Variants in CUBN observed in about 807,000 individuals in gnomAD.
CUBN encodes cubilin.
In CUBN, 282 loss-of-function variants were observed where a neutral mutation model predicts 405.3. The ratio of observed to expected loss-of-function variants is 0.70; its 90% CI spans 0.63 to 0.77. The LOEUF (loss-of-function observed/expected upper bound fraction) is 0.77. Among genes scored for constraint, CUBN ranks in the 30% least tolerant of loss-of-function variants. The probability of loss-of-function intolerance (pLI) is 0.00; values close to 1 mark genes in which losing one functional copy is unlikely to be tolerated. For synonymous variants in CUBN, 1,684 were observed against 1,617.0 expected, an observed-to-expected ratio of 1.04 and a Z score of -0.99; for missense variants, 4,514 against 4,475.2, an observed-to-expected ratio of 1.01 and a Z score of -0.25.
chr10:16,958,642 A>AT (rs1843136923), intron 31 of CUBN, among the ~76,000 whole-genome samples: 1 of 152,184 alleles, frequency 6.6e-6, no homozygotes, highest in Non-Finnish European at 1.5e-5. Flanking sequence ...AACCTGTGTG[A>AT]TTTTCTATAA....
intron 59 of CUBN, among the ~76,000 whole-genome samples, chr10:16,866,779 A>G (rs1311523480): frequency 1.3e-5 from 2 of 152,282 alleles, no homozygotes; most frequent in Non-Finnish European, 2.9e-5. Flanking sequence ...AGATCAGCTC[A>G]TGCTTGCCAA....
chr10:16,903,295 CA>C (rs774948856), intron 51 of CUBN, among the ~76,000 whole-genome samples: 39 of 152,134 alleles, frequency 2.6e-4, no homozygotes, highest in Non-Finnish European at 4.6e-4. Context: ...CTTTCTTTAA[CA>C]AAAGATATTT....
intron 50 of CUBN, among the ~76,000 whole-genome samples, chr10:16,904,644 T>C (rs536098344): frequency 5.2e-5 from 8 of 152,382 alleles, no homozygotes; most frequent in Middle Eastern, 3.4e-3. Flanking sequence ...TTGATGAACA[T>C]GTACAGAGCA....
chr10:16,887,348 C>A (rs541922093), intron 56 of CUBN, among the ~76,000 whole-genome samples: 2 of 152,280 alleles, frequency 1.3e-5, no homozygotes, highest in African/African-American at 4.8e-5. Context: ...TTTTTTACTT[C>A]TAGATGGAAT....
intron 11 of CUBN, 145 bp downstream of exon 11, chr10:17,105,312 A>C (rs568206912): frequency 2.8e-6 from 2 of 723,432 alleles, no homozygotes. Context: ...ATCATTATCT[A>C]TCTTTCATCT....
At chr10:16,946,997 C>T (rs542628609) in intron 36 of CUBN, among the ~76,000 whole-genome samples, 25 of 152,226 alleles carry the variant, frequency 1.6e-4, no homozygotes, top group East Asian at 1.5e-3. Context: ...GCCACAGATT[C>T]ATTCATTCAC....
chr10:17,127,431 A>ATTTT lies in CUBN; in HGVS notation c.348+394_348+397dup, dbSNP rs71268608. ...CAGGCTCATGCCACCATGCCCAGCT[A>ATTTT]TTTTTTTTTTTTTTTTTTTTTTTGG... is the stretch of plus-strand genomic sequence containing the variant. On this transcript the variant is annotated intron_variant, in intron 3 of 66. Transcript: ENST00000377833. 2.6e-3 allele frequency among the ~76,000 whole-genome samples: 226 copies of ATTTT among 85,896 alleles called. 2 individuals carry two copies. The highest frequency in any genetic ancestry group is 9.4e-3 in the African/African-American group (202 of 21,554). 56.4% of individuals were successfully genotyped at this position (85,896 alleles called of 152,430 possible).
rs758170405 is a variant in CUBN, at chr10:16,831,430, G to C, written c.10363-13C>G. 6.2e-7 allele frequency: 1 copy of C among 1,608,382 alleles called. No homozygotes were observed. Among genetic ancestry groups the C allele is most frequent in the Non-Finnish European group, 8.5e-7 (1 of 1,174,760 alleles). The stretch of plus-strand genomic sequence containing the variant: ...TTCCATTTCTCACCTTTAGGAAGGA[G>C]TCATTCATTATTAAACTTACACTTT... On this transcript the variant is annotated splice_polypyrimidine_tract_variant and intron_variant, in intron 64 of 66. Coordinates refer to ENST00000377833, the MANE Select transcript of CUBN (RefSeq NM_001081.4).
chr10:16,857,614 A>G lies in CUBN; in HGVS notation c.9455-6171T>C, dbSNP rs2131348206. Among the ~76,000 whole-genome samples, 3 of 152,362 alleles carry G rather than the reference A, an allele frequency of 2.0e-5. 1 individual carries two copies. The Middle Eastern group carries it at 0.01, about 518-fold the overall frequency. ...AGTTGATGCTGAAAAAGGATTTGAC[A>G]AAATCCAACACACATTCATGATAAA... On this transcript the variant is annotated intron_variant, in intron 59 of 66. Transcript: ENST00000377833.
rs1385394203 is a variant in CUBN at position 17,065,547 on chromosome 10, C to T, written c.3100G>A (p.Gly1034Ser). The change falls in exon 22 of 67, where the codon GGC (glycine) becomes AGC (serine). Residue 1034 changes from glycine (G) to serine (S), a missense_variant. Gly to Ser is a moderately conservative substitution (Grantham distance 56). Transcript: ENST00000377833. Reference sequence around the variant, plus strand: ...ATTGCTTCATAGTTTATTAAGAAGCCTTCATAAGCGAGGTCGGAGTCAGTC... The same window carrying T: ...ATTGCTTCATAGTTTATTAAGAAGCTTTCATAAGCGAGGTCGGAGTCAGTC... ...FVTDSDLAYE[G>S]FLINYEAISA... 1.2e-6 allele frequency: 2 copies of T among 1,613,418 alleles called. No individual in the cohort carries two copies. Among genetic ancestry groups the T allele is most frequent in the Admixed American group, 1.7e-5 (1 of 59,964 alleles).
chr10:16,833,546 C>A (rs980631016), intron 64 of CUBN, among the ~76,000 whole-genome samples: 3 of 152,176 alleles, frequency 2.0e-5, no homozygotes, highest in African/African-American at 7.2e-5. Context: ...ATGCAAAGAC[C>A]ATATGCCAGA....
chr10:17,054,193 T>C (rs888919303), intron 22 of CUBN, among the ~76,000 whole-genome samples: 4 of 151,854 alleles, frequency 2.6e-5, no homozygotes, highest in Admixed American at 2.6e-4. Flanking sequence ...TAACCAGGCA[T>C]GGTGGCGAGC....
At chr10:17,040,896 T>A in intron 27 of CUBN, 137 bp downstream of exon 27, 1 of 753,088 alleles carries the variant, frequency 1.3e-6, no homozygotes, top group Non-Finnish European at 2.3e-6. Context: ...CCTGTTCAAA[T>A]ACCATGGGTG....
chr10:17,063,971 T>C (rs184456339), intron 22 of CUBN, among the ~76,000 whole-genome samples: 223 of 152,340 alleles, frequency 1.5e-3, no homozygotes, highest in African/African-American at 5.0e-3. Context: ...GGGCCAAACA[T>C]ACCAGACAGA....
At chr10:17,033,931 G>A (rs1241787022) in intron 27 of CUBN, among the ~76,000 whole-genome samples, 3 of 152,208 alleles carry the variant, frequency 2.0e-5, no homozygotes, top group Admixed American at 6.5e-5. Flanking sequence ...GAATATGGAT[G>A]TGACACTGCA....
chr10:17,006,697 C>T (rs934714902), intron 28 of CUBN, among the ~76,000 whole-genome samples: 1 of 152,268 alleles, frequency 6.6e-6, no homozygotes, highest in East Asian at 1.9e-4. Flanking sequence ...GTGCCTCATG[C>T]CCACAGGTAG....
At chr10:16,907,916 T>C (rs1466084997) in intron 48 of CUBN, among the ~76,000 whole-genome samples, 1 of 152,160 alleles carries the variant, frequency 6.6e-6, no homozygotes, top group Non-Finnish European at 1.5e-5. Context: ...CTTCCTGCCA[T>C]GTGGTGATAG....
At chr10:16,901,531 G>C in intron 51 of CUBN, 72 bp from the exon 52 acceptor site, 1 of 1,577,468 alleles carries the variant, frequency 6.3e-7, no homozygotes. Context: ...AAAGTAAGTA[G>C]TAATCATAAC....
intron 17 of CUBN, among the ~76,000 whole-genome samples, chr10:17,083,414 A>G (rs1836015936): frequency 6.6e-6 from 1 of 152,190 alleles, no homozygotes; most frequent in African/African-American, 2.4e-5. Flanking sequence ...CTGAGGCAGA[A>G]GAATTGCTTG....
Sources: gnomAD v4.1 joint callset for allele counts (sites outside exome capture counted in the v4.1 genomes callset) on GRCh38, gnomAD v4.1.1 for gene constraint, MANE v1.5 for transcripts, NCBI Gene and HGNC (gene_info 2026-07-23, HGNC 2026-07-21) for gene names.